Variants in RETREG1 observed in about 807,000 individuals in gnomAD.
RETREG1 encodes the protein reticulophagy regulator 1, also known as family with sequence similarity 134 member B.
A neutral mutation model predicts 54.8 loss-of-function variants in RETREG1; 44 were observed. The observed-to-expected ratio is 0.80, with a 90% confidence interval of 0.63 to 1.03. The LOEUF is 1.03. Among genes scored for constraint, RETREG1 ranks in the 50% least tolerant of loss-of-function variants. RETREG1 has a pLI of 0.00. For synonymous variants in RETREG1, 217 were observed against 238.5 expected, an observed-to-expected ratio of 0.91 and a Z score of 0.83; for missense variants, 554 against 605.1, an observed-to-expected ratio of 0.92 and a Z score of 0.89.
At chr5:16,503,170 A>G (rs1273124189) in intron 3 of RETREG1, among the ~76,000 whole-genome samples, 2 of 152,214 alleles carry the variant, frequency 1.3e-5, no homozygotes, top group Admixed American at 6.5e-5. Context: ...GAAGCATACC[A>G]CTTATTAACT....
intron 3 of RETREG1, among the ~76,000 whole-genome samples, chr5:16,517,188 A>ACAGGAG (rs1740387554): frequency 2.0e-5 from 3 of 152,178 alleles, no homozygotes. Flanking sequence ...GATATATCTA[A>ACAGGAG]TAGGAGTCTT....
At chr5:16,523,620 T>C (rs1476352134) in intron 3 of RETREG1, among the ~76,000 whole-genome samples, 1 of 152,134 alleles carries the variant, frequency 6.6e-6, no homozygotes, top group Non-Finnish European at 1.5e-5. Flanking sequence ...TATTTTTCCC[T>C]TTCCATCCTC....
At position 16,475,193 on chromosome 5, in the gene RETREG1, A is replaced by G; in HGVS notation, c.1042T>C (p.Ser348Pro). ...PSEEVFSRDL[S>P]DFPSLENGMG... ...CCATTTTCTAGAGATGGAAAATCTGAAAGATCTCTAGAGAAAACTTCCTCA... is the reference window on the plus strand; with the variant it reads ...CCATTTTCTAGAGATGGAAAATCTGGAAGATCTCTAGAGAAAACTTCCTCA... Residue 348 changes from serine (S) to proline (P), a missense_variant, in exon 9 of 9, where the codon TCA becomes CCA. Coordinates refer to ENST00000306320, the MANE Select transcript of RETREG1 (RefSeq NM_001034850.3). 1 of 1,613,630 alleles carries G rather than the reference A, an allele frequency of 6.2e-7. No individual in the cohort carries two copies. Among genetic ancestry groups the G allele is most frequent in the Non-Finnish European group, 8.5e-7 (1 of 1,179,816 alleles).
In RETREG1 at chr5:16,616,761, G is replaced by C; in HGVS notation, c.211C>G (p.Leu71Val). 1 of 1,560,300 alleles carries C rather than the reference G, an allele frequency of 6.4e-7. No homozygotes were observed. The highest frequency in any genetic ancestry group is 1.2e-5 in the South Asian group (1 of 86,454). The change falls in exon 1 of 9, where the codon CTG (leucine) becomes GTG (valine). Residue 71 changes from leucine to valine, a missense_variant. Leu to Val is a conservative substitution (Grantham distance 32). Coordinates refer to ENST00000306320, the MANE Select transcript of RETREG1 (RefSeq NM_001034850.3). ...AGCCACAGCACCGGCTCCCCGAGCA[G>C]CCAGGTTACCGCGGCCGCCGCCCGG... Reference protein sequence around the residue: ...AGRAAAAVTWLLGEPVLWLGC... With the variant: ...AGRAAAAVTWVLGEPVLWLGC...
intron 3 of RETREG1, among the ~76,000 whole-genome samples, chr5:16,512,593 T>C (rs78294793): frequency 0.018 from 2,666 of 151,980 alleles, 27 homozygotes; most frequent in Non-Finnish European, 0.025. Context: ...TTTTTTTTTT[T>C]CTATCTCCTC....
chr5:16,528,528 A>G (rs1182189516), intron 3 of RETREG1, among the ~76,000 whole-genome samples: 1 of 152,126 alleles, frequency 6.6e-6, no homozygotes, highest in Non-Finnish European at 1.5e-5. Flanking sequence ...TTCAGGAGCA[A>G]AAGAAAGATT....
At chr5:16,483,497 T>C (rs747869136) in intron 3 of RETREG1, 25 bp from the exon 4 acceptor site, 1 of 1,610,802 alleles carries the variant, frequency 6.2e-7, no homozygotes, top group Admixed American at 1.7e-5. Context: ...AGAAAAAAAA[T>C]ACTACTGAAC....
chr5:16,486,544 G>C (rs919501833), intron 3 of RETREG1, among the ~76,000 whole-genome samples: 1 of 152,198 alleles, frequency 6.6e-6, no homozygotes, highest in East Asian at 1.9e-4. Context: ...TTATTTTATA[G>C]GTGAGGAACG....
intron 3 of RETREG1, among the ~76,000 whole-genome samples, chr5:16,529,216 T>A (rs1047627169): frequency 2.0e-5 from 3 of 152,220 alleles, no homozygotes; most frequent in Non-Finnish European, 2.9e-5. Context: ...TTGGCGCCTA[T>A]CATAGATCAC....
rs1177049217 is a variant in RETREG1 at position 16,483,474 on chromosome 5, T to C, written c.459-2A>G. The C allele has an allele frequency of 6.2e-7, 1 of 1,612,810 alleles. No homozygotes were observed. Among genetic ancestry groups the C allele is most frequent in the Non-Finnish European group, 8.5e-7 (1 of 1,179,218 alleles). ...GGTTTGGAATTGATAACTTCCCAGC[T>C]AAAGAGACAAAAAGAAAAAAAATAC... On this transcript the variant is annotated splice_acceptor_variant, in intron 3 of 8. Transcript: ENST00000306320. LOFTEE classifies it high-confidence loss of function.
chr5:16,519,119 G>A (rs1169350475), intron 3 of RETREG1, among the ~76,000 whole-genome samples: 5 of 152,122 alleles, frequency 3.3e-5, no homozygotes, highest in East Asian at 1.9e-4. Context: ...TGATGCCATC[G>A]ATAATGACAA....
chr5:16,590,801 CA>C (rs34422488), intron 1 of RETREG1, among the ~76,000 whole-genome samples: 2 of 150,644 alleles, frequency 1.3e-5, no homozygotes, highest in Non-Finnish European at 3.0e-5. Flanking sequence ...CAAACACACA[CA>C]AAAAAACACA....
At chr5:16,565,631 C>G in intron 3 of RETREG1, 132 bp downstream of exon 3, 1 of 974,796 alleles carries the variant, frequency 1.0e-6, no homozygotes, top group Non-Finnish European at 1.6e-6. Context: ...TCTTCATTTT[C>G]CCACTCTGGT....
chr5:16,565,831 G>A (rs1741991807), intron 2 of RETREG1, 38 bp from the exon 3 acceptor site: 2 of 1,606,456 alleles, frequency 1.2e-6, no homozygotes, highest in Non-Finnish European at 1.7e-6. Context: ...ACTTAACAGA[G>A]GTATTTTTCT....
At chr5:16,564,042 C>G (rs949040024) in intron 3 of RETREG1, among the ~76,000 whole-genome samples, 19 of 152,070 alleles carry the variant, frequency 1.2e-4, no homozygotes, top group African/African-American at 4.1e-4. Flanking sequence ...AAAACTTAAG[C>G]AGTATTTCTT....
chr5:16,577,756 T>C (rs1422987607), intron 1 of RETREG1, among the ~76,000 whole-genome samples: 3 of 152,114 alleles, frequency 2.0e-5, no homozygotes, highest in African/African-American at 7.2e-5. Flanking sequence ...AGGGGCGGTT[T>C]CTCCCATACT....
intron 3 of RETREG1, among the ~76,000 whole-genome samples, chr5:16,560,233 C>T (rs573595184): frequency 3.3e-5 from 5 of 152,272 alleles, no homozygotes; most frequent in African/African-American, 7.2e-5. Flanking sequence ...TCTACTACCA[C>T]GTTTATGCTA....
chr5:16,587,947 A>G (rs955678551), intron 1 of RETREG1, among the ~76,000 whole-genome samples: 3 of 151,864 alleles, frequency 2.0e-5, no homozygotes, highest in African/African-American at 7.3e-5. Flanking sequence ...CTAATAACCC[A>G]CTGTTCAAGA....
Position 16,491,297 on chromosome 5 carries a change from G to A in RETREG1, c.459-7825C>T, listed in dbSNP as rs573304561. On this transcript the variant is annotated intron_variant, in intron 3 of 8. Transcript: ENST00000306320. Reference sequence around the variant, plus strand: ...GACCACGACCGTCGCATCTGGTAACGTTCTTTCAGGGCAACTATGAATTGC... The same window carrying A: ...GACCACGACCGTCGCATCTGGTAACATTCTTTCAGGGCAACTATGAATTGC... 2.6e-5 allele frequency among the ~76,000 whole-genome samples: 4 copies of A among 152,154 alleles called. No individual in the cohort carries two copies. The South Asian group carries it at 8.3e-4, about 32-fold the overall frequency.
Sources: gnomAD v4.1 joint callset for allele counts (sites outside exome capture counted in the v4.1 genomes callset) on GRCh38, gnomAD v4.1.1 for gene constraint, MANE v1.5 for transcripts, NCBI Gene and HGNC (gene_info 2026-07-23, HGNC 2026-07-21) for gene names.